Variants in RBKS observed in about 807,000 individuals in gnomAD.
The protein encoded by RBKS is ribokinase.
RBKS carries 33 observed loss-of-function variants against 33.9 expected under a neutral mutation model. The observed-to-expected ratio is 0.97, with a 90% CI of 0.74 to 1.30. The LOEUF (loss-of-function observed/expected upper bound fraction) is 1.30. RBKS is among the 50% of genes most tolerant of loss of function. The pLI is 0.00. For missense variants in RBKS, 361 were observed against 392.6 expected, an observed-to-expected ratio of 0.92 and a Z score of 0.68; for synonymous variants, 125 against 143.0, an observed-to-expected ratio of 0.87 and a Z score of 0.90.
Position 27,781,573 on chromosome 2 carries a change from A to G in RBKS, c.*42T>C. ...TAGCCAGGAGCAGCCACCCCCAAGT[A>G]CATTTTATTCCCAGGTATATTTATT... On this transcript the variant is annotated 3_prime_UTR_variant, in exon 8 of 8. Transcript: ENST00000302188. 3 of 1,520,742 alleles carry G rather than the reference A, an allele frequency of 2.0e-6. No individual in the cohort carries two copies. Among genetic ancestry groups the G allele is most frequent in the Non-Finnish European group, 2.7e-6 (3 of 1,121,966 alleles). The allele number at this position is 1,520,742 out of a possible 1,614,324, so 94.2% of individuals were successfully genotyped here.
intron 5 of RBKS, among the ~76,000 whole-genome samples, chr2:27,838,057 G>A (rs1297257295): frequency 1.3e-5 from 2 of 152,012 alleles, no homozygotes; most frequent in Non-Finnish European, 2.9e-5. Context: ...AAAATTAGCT[G>A]GGTGTGGTGG....
chr2:27,861,295 C>T, intron 1 of RBKS: 1 of 343,670 alleles, frequency 2.9e-6, no homozygotes, highest in Non-Finnish European at 5.9e-6. Context: ...TGTGTCTCCC[C>T]CGTATAGCAT....
At chr2:27,848,908 C>T (rs1287451784) in intron 2 of RBKS, among the ~76,000 whole-genome samples, 1 of 151,642 alleles carries the variant, frequency 6.6e-6, no homozygotes, top group Non-Finnish European at 1.5e-5. Flanking sequence ...GAGCATGTGA[C>T]CTAAACTAGT....
At position 27,789,947 on chromosome 2, in the gene RBKS, G is replaced by A. The variant is rs867779169; in HGVS notation, c.796-8159C>T. The stretch of plus-strand genomic sequence containing the variant: ...TGTGTATATATATATATATGTATAT[G>A]TGTATATATATATATATATATATAT... On this transcript the variant is annotated intron_variant, in intron 7 of 7. Transcript: ENST00000302188. Among the ~76,000 whole-genome samples the A allele has an allele frequency of 3.1e-3, 291 of 95,032 alleles. 2 individuals carry two copies. The highest frequency in any genetic ancestry group is 0.01 in the African/African-American group (244 of 23,320). 62.3% of individuals were successfully genotyped at this position (95,032 alleles called of 152,430 possible). A position where few individuals can be genotyped will look rare whatever the true frequency, so the allele number is the denominator to read the frequency against.
rs1664697213 is a variant in RBKS at position 27,890,170 on chromosome 2, C to G, written c.89+87G>C. On this transcript the variant is annotated intron_variant, in intron 1 of 7. Transcript: ENST00000302188. The surrounding 1 kb of genome is among the most constrained non-coding windows in gnomAD (Gnocchi z 4.8). ...GCTAGCACTGTCTATCCCTGGAGACCCAGCGCCCAAAAGCTCCACTGGGCG... is the reference window on the plus strand; with the variant it reads ...GCTAGCACTGTCTATCCCTGGAGACGCAGCGCCCAAAAGCTCCACTGGGCG... The G allele has an allele frequency of 7.7e-7, 1 of 1,290,352 alleles. No individual in the cohort carries two copies. The highest frequency in any genetic ancestry group is 1.5e-5 in the African/African-American group (1 of 68,540). 79.9% of individuals were successfully genotyped at this position (1,290,352 alleles called of 1,614,324 possible).
At chr2:27,802,502 A>G (rs1677818409) in intron 7 of RBKS, among the ~76,000 whole-genome samples, 1 of 151,816 alleles carries the variant, frequency 6.6e-6, no homozygotes, top group Non-Finnish European at 1.5e-5. Flanking sequence ...AGGGAGGGTG[A>G]TTAGGAAAAA....
chr2:27,786,624 T>C (rs1558531991), intron 7 of RBKS, among the ~76,000 whole-genome samples: 1 of 151,308 alleles, frequency 6.6e-6, no homozygotes, highest in Non-Finnish European at 1.5e-5. Flanking sequence ...CTACGAAAAA[T>C]ACAAAAAATT....
chr2:27,822,127 G>A (rs1678224084), intron 7 of RBKS, among the ~76,000 whole-genome samples: 1 of 152,192 alleles, frequency 6.6e-6, no homozygotes, highest in Admixed American at 6.5e-5. Flanking sequence ...ACAGTTCAAG[G>A]AAAGTCACGG....
intron 1 of RBKS, among the ~76,000 whole-genome samples, chr2:27,863,297 C>G (rs1332634298): frequency 6.6e-6 from 1 of 152,224 alleles, no homozygotes; most frequent in Middle Eastern, 3.2e-3. Context: ...CCATGAGAGG[C>G]CACGTGGTTA....
rs762018892 is a variant in RBKS, at chr2:27,851,818, C to T, written c.223-3721G>A. Among the ~76,000 whole-genome samples, 5 of 152,154 alleles carry T rather than the reference C, an allele frequency of 3.3e-5. No homozygotes were observed. In the South Asian group the frequency reaches 6.2e-4, roughly 19 times the overall value. ...CCTCCCAAAGTGCTGGGATTACAGGCGTGAGCCACCACACCCGGCTGTCAT... is the reference window on the plus strand; with the variant it reads ...CCTCCCAAAGTGCTGGGATTACAGGTGTGAGCCACCACACCCGGCTGTCAT... On this transcript the variant is annotated intron_variant, in intron 2 of 7. Transcript: ENST00000302188.
intron 1 of RBKS, among the ~76,000 whole-genome samples, chr2:27,884,353 T>A (rs1264763848): frequency 6.6e-6 from 1 of 152,026 alleles, no homozygotes; most frequent in African/African-American, 2.4e-5. Context: ...TCTCCAGCGA[T>A]CCTCCCACCT....
In RBKS at chr2:27,855,051, C is replaced by T. The variant is rs187553434; in HGVS notation, c.222+3388G>A. On this transcript the variant is annotated intron_variant, in intron 2 of 7. Coordinates refer to ENST00000302188, the MANE Select transcript of RBKS (RefSeq NM_022128.3). ...CAAGTTAAGTGTTCTTACTACCCCC[C>T]GCCCCCCCACCACACAAAGTTGCTT... is the stretch of plus-strand genomic sequence containing the variant. Among the ~76,000 whole-genome samples the T allele has an allele frequency of 1.7e-3, 251 of 152,004 alleles. 1 individual carries two copies. The highest frequency in any genetic ancestry group is 4.5e-3 in the Admixed American group (68 of 15,280).
chr2:27,840,607 A>C (rs1319619111), intron 5 of RBKS, among the ~76,000 whole-genome samples: 1 of 152,126 alleles, frequency 6.6e-6, no homozygotes. Context: ...TTTCTTGAGC[A>C]GCAAAAACAC....
At chr2:27,850,322 A>G (rs975804249) in intron 2 of RBKS, among the ~76,000 whole-genome samples, 2 of 152,192 alleles carry the variant, frequency 1.3e-5, no homozygotes, top group Non-Finnish European at 2.9e-5. Context: ...CCTACATGAC[A>G]TATCATTATC....
At position 27,890,247 on chromosome 2, in the gene RBKS, C is replaced by A. The variant is rs1472202657; in HGVS notation, c.89+10G>T. On this transcript the variant is annotated intron_variant, in intron 1 of 7. Transcript: ENST00000302188. The surrounding 1 kb of genome is among the most constrained non-coding windows in gnomAD (Gnocchi z 4.8). ...CGAGCCGCAGACTGAGTAACTGGCC[C>A]CGGACTAACCTGACCAGGTCGGTCA... 1.2e-6 allele frequency: 2 copies of A among 1,612,970 alleles called. No individual in the cohort carries two copies. Among genetic ancestry groups the A allele is most frequent in the Non-Finnish European group, 8.5e-7 (1 of 1,179,666 alleles).
intron 7 of RBKS, among the ~76,000 whole-genome samples, chr2:27,787,502 C>T (rs1365475607): frequency 6.6e-6 from 1 of 152,172 alleles, no homozygotes; most frequent in Non-Finnish European, 1.5e-5. Context: ...TCAAGGGATC[C>T]TCCCGCCTTG....
chr2:27,878,390 A>G (rs1284161670), intron 1 of RBKS, among the ~76,000 whole-genome samples: 1 of 150,816 alleles, frequency 6.6e-6, no homozygotes, highest in Non-Finnish European at 1.5e-5. Context: ...ATAGTATTCC[A>G]TGGTGTATAT....
At chr2:27,836,147 G>A (rs961175285) in intron 5 of RBKS, among the ~76,000 whole-genome samples, 7 of 152,082 alleles carry the variant, frequency 4.6e-5, no homozygotes, top group Non-Finnish European at 7.4e-5. Context: ...CCTGGGAGGC[G>A]GAGGGTGTGG....
At chr2:27,886,909 A>G (rs1239062167) in intron 1 of RBKS, among the ~76,000 whole-genome samples, 1 of 152,106 alleles carries the variant, frequency 6.6e-6, no homozygotes. Flanking sequence ...TAGGCTTCAA[A>G]GAGTCTCTGA....
Sources: allele counts gnomAD v4.1 joint callset (sites outside exome capture counted in the v4.1 genomes callset), GRCh38; gene constraint gnomAD v4.1.1; non-coding constraint Gnocchi (gnomAD v3.1); transcripts MANE v1.5; gene names NCBI Gene and HGNC (gene_info 2026-07-23, HGNC 2026-07-21).